Variants in TAFA1 observed in about 807,000 individuals in gnomAD.
TAFA1 encodes chemokine-like protein TAFA-1.
TAFA1 carries 4 observed loss-of-function variants against 18.5 expected under a neutral mutation model. The ratio of observed to expected loss-of-function variants is 0.22; its 90% confidence interval spans 0.11 to 0.49. The LOEUF is 0.49. Ranked by LOEUF, TAFA1 falls within the 20% of genes least tolerant of loss-of-function variation. TAFA1 has a pLI of 0.98. For missense variants in TAFA1, 147 were observed against 169.0 expected (o/e 0.87, Z 0.72); for synonymous variants, 56 against 55.2 (o/e 1.01, Z -0.06).
chr3:68,473,937 T>C (rs575792629), intron 3 of TAFA1, among the ~76,000 whole-genome samples: 29 of 152,252 alleles, frequency 1.9e-4, no homozygotes, highest in Non-Finnish European at 3.7e-4. Flanking sequence ...TGGAAAGTGC[T>C]AGATAAACAT....
upstream of TAFA1, among the ~76,000 whole-genome samples, chr3:67,999,471 A>C (rs1704261014): frequency 6.6e-6 from 1 of 152,122 alleles, no homozygotes; most frequent in Admixed American, 6.5e-5. Context: ...AAGAGGCTAG[A>C]CTAGGAGATT....
intron 2 of TAFA1, among the ~76,000 whole-genome samples, chr3:68,388,953 A>C (rs1040481934): frequency 1.3e-5 from 2 of 152,182 alleles, no homozygotes; most frequent in Non-Finnish European, 2.9e-5. Context: ...CTTAATTTAT[A>C]CTTTTTGAGT....
chr3:68,064,753 C>A (rs773007629), intron 2 of TAFA1, among the ~76,000 whole-genome samples: 3 of 151,556 alleles, frequency 2.0e-5, no homozygotes, highest in African/African-American at 4.8e-5. Flanking sequence ...GAGAAGTATC[C>A]TATTGTGGTT....
chr3:68,477,243 A>G (rs1575903903), intron 3 of TAFA1, among the ~76,000 whole-genome samples: 1 of 152,176 alleles, frequency 6.6e-6, no homozygotes, highest in East Asian at 1.9e-4. Flanking sequence ...TGTTGCATAT[A>G]ATAGTTATTT....
At chr3:68,190,489 C>T (rs2066323843) in intron 2 of TAFA1, among the ~76,000 whole-genome samples, 1 of 151,874 alleles carries the variant, frequency 6.6e-6, no homozygotes, top group Admixed American at 6.6e-5. Context: ...CACCTCATTG[C>T]TCTGTTTCTG....
In TAFA1 at chr3:68,531,016, C is replaced by CAACAAAACAAAACAAAACAA. The variant is rs59861876; in HGVS notation, c.260-7720_260-7701dup. Among the ~76,000 whole-genome samples the CAACAAAACAAAACAAAACAA allele has an allele frequency of 8.8e-4, 130 of 147,632 alleles. 2 individuals are homozygous for CAACAAAACAAAACAAAACAA. The highest frequency in any genetic ancestry group is 3.9e-3 in the Admixed American group (57 of 14,604). On this transcript the variant is annotated intron_variant, in intron 3 of 4. Transcript: ENST00000478136. ...TTAGCATTATAATGATTAACAACAA[C>CAACAAAACAAAACAAAACAA]AACAAAACAAAACAAAACAAAACAA... is the stretch of plus-strand genomic sequence containing the variant.
rs140708438 is a variant in TAFA1, at chr3:68,204,574, G to A, written c.118+197830G>A. Reference sequence around the variant, plus strand: ...CTGAATCACGTGCCTTTGCAGAGGCGAAGAAGGCATAAGCAGGATTGGCAG... The same window carrying A: ...CTGAATCACGTGCCTTTGCAGAGGCAAAGAAGGCATAAGCAGGATTGGCAG... On this transcript the variant is annotated intron_variant, in intron 2 of 4. Transcript: ENST00000478136. 1.1e-4 allele frequency among the ~76,000 whole-genome samples: 17 copies of A among 151,944 alleles called. No homozygotes were observed. In the East Asian group the frequency reaches 1.4e-3, roughly 12 times the overall value.
intron 2 of TAFA1, among the ~76,000 whole-genome samples, chr3:68,407,900 C>A (rs2070641577): frequency 6.6e-6 from 1 of 152,200 alleles, no homozygotes; most frequent in Admixed American, 6.5e-5. Flanking sequence ...GCTATTTTGC[C>A]CTCCTCAACC....
chr3:68,027,565 C>T (rs1704843203), intron 2 of TAFA1, among the ~76,000 whole-genome samples: 1 of 152,122 alleles, frequency 6.6e-6, no homozygotes, highest in Non-Finnish European at 1.5e-5. Flanking sequence ...ATCAGCCTGC[C>T]AACTTGGATT....
intron 2 of TAFA1, among the ~76,000 whole-genome samples, chr3:68,091,606 A>G (rs564970765): frequency 2.0e-4 from 31 of 152,148 alleles, no homozygotes; most frequent in Non-Finnish European, 4.1e-4. Flanking sequence ...AAAATCAAGC[A>G]AGCAGATCAA....
intron 2 of TAFA1, among the ~76,000 whole-genome samples, chr3:68,391,378 C>T (rs1398543874): frequency 6.6e-6 from 1 of 151,866 alleles, no homozygotes; most frequent in Admixed American, 6.6e-5. Flanking sequence ...AAGACCAGAC[C>T]TATGTTTGGT....
chr3:68,087,890 A>G (rs2064989971), intron 2 of TAFA1, among the ~76,000 whole-genome samples: 1 of 152,086 alleles, frequency 6.6e-6, no homozygotes, highest in African/African-American at 2.4e-5. Context: ...GCATTTCTGT[A>G]TAAACATTAT....
At chr3:68,102,340 C>A (rs988402892) in intron 2 of TAFA1, among the ~76,000 whole-genome samples, 1 of 152,096 alleles carries the variant, frequency 6.6e-6, no homozygotes, top group African/African-American at 2.4e-5. Flanking sequence ...TTTTTTACTA[C>A]CATTTAATTA....
chr3:68,060,499 G>A (rs549692519), intron 2 of TAFA1, among the ~76,000 whole-genome samples: 76 of 152,290 alleles, frequency 5.0e-4, no homozygotes, highest in Admixed American at 8.5e-4. Context: ...AAACTAGGCC[G>A]GTAGAATTTC....
At chr3:68,486,219 C>G (rs901021013) in intron 3 of TAFA1, among the ~76,000 whole-genome samples, 1 of 151,658 alleles carries the variant, frequency 6.6e-6, no homozygotes, top group Admixed American at 6.6e-5. Context: ...CTCAGCCTCC[C>G]AAAGTGCTGA....
intron 2 of TAFA1, among the ~76,000 whole-genome samples, chr3:68,186,214 A>G (rs2066270350): frequency 6.6e-6 from 1 of 152,078 alleles, no homozygotes; most frequent in Non-Finnish European, 1.5e-5. Flanking sequence ...CTCTTTGGGA[A>G]TAATTGTTAT....
chr3:68,068,017 C>T (rs1210462164), intron 2 of TAFA1, among the ~76,000 whole-genome samples: 1 of 152,202 alleles, frequency 6.6e-6, no homozygotes, highest in Non-Finnish European at 1.5e-5. Context: ...CTTGTTGCTT[C>T]CTTTGACATT....
intron 3 of TAFA1, among the ~76,000 whole-genome samples, chr3:68,533,393 G>A (rs1461617685): frequency 1.3e-5 from 2 of 152,040 alleles, no homozygotes; most frequent in African/African-American, 2.4e-5. Context: ...GGGGGAAACC[G>A]CCCCCATGAT....
At chr3:68,084,205 G>T (rs2064942575) in intron 2 of TAFA1, among the ~76,000 whole-genome samples, 1 of 152,204 alleles carries the variant, frequency 6.6e-6, no homozygotes, top group African/African-American at 2.4e-5. Context: ...AGGAATATAG[G>T]TGTGGCAGGC....
Sources: gnomAD v4.1 joint callset for allele counts (sites outside exome capture counted in the v4.1 genomes callset) on GRCh38, gnomAD v4.1.1 for gene constraint, MANE v1.5 for transcripts, NCBI Gene and HGNC (gene_info 2026-07-23, HGNC 2026-07-21) for gene names.